The following LRRC3B variants were observed in gnomAD, a reference collection of about 807,000 sequenced individuals.
LRRC3B encodes the protein leucine-rich repeat-containing protein 3B.
LRRC3B carries 2 observed loss-of-function variants against 12.8 expected under a neutral mutation model. That is an observed-to-expected ratio of 0.16 (90% CI 0.06 to 0.49). The LOEUF (loss-of-function observed/expected upper bound fraction) is 0.49. LRRC3B is among the 20% of genes least tolerant of loss of function. The pLI is 0.96. For synonymous variants in LRRC3B, 132 were observed against 122.0 expected (o/e 1.08, Z -0.54); for missense variants, 189 against 319.4 (o/e 0.59, Z 3.11).
At chr3:26,669,689 G>C (rs1699680273) in intron 1 of LRRC3B, among the ~76,000 whole-genome samples, 1 of 152,132 alleles carries the variant, frequency 6.6e-6, no homozygotes, top group Non-Finnish European at 1.5e-5. Flanking sequence ...TAAAGAAAAA[G>C]CTATTTTATA....
chr3:26,691,105 G>GTGTATATATATATATATATATATA (rs372629683), intron 1 of LRRC3B, among the ~76,000 whole-genome samples: 7 of 84,826 alleles, frequency 8.3e-5, no homozygotes, highest in East Asian at 5.6e-4. Context: ...GTGTGTGTGT[G>GTGTATATATATATATATATATATA]TATATATATA....
At chr3:26,635,432 G>A (rs1290274607) in intron 1 of LRRC3B, among the ~76,000 whole-genome samples, 1 of 152,188 alleles carries the variant, frequency 6.6e-6, no homozygotes, top group Non-Finnish European at 1.5e-5. Flanking sequence ...AGTCATGAAG[G>A]TGGGGTCCTC....
In LRRC3B at chr3:26,638,909, T is replaced by G. The variant is rs577740485; in HGVS notation, c.-161+15672T>G. Among the ~76,000 whole-genome samples, 4 of 152,270 alleles carry G rather than the reference T, an allele frequency of 2.6e-5. No homozygotes were observed. The East Asian group carries it at 7.7e-4, about 29-fold the overall frequency. On this transcript the variant is annotated intron_variant, in intron 1 of 1. Coordinates refer to ENST00000396641, the Ensembl canonical transcript of LRRC3B. ...GATTGGGACTTGAAAGTCCTAAGGATTTTTTTGGAAGGGGCTCATCAGCTA... is the reference window on the plus strand; with the variant it reads ...GATTGGGACTTGAAAGTCCTAAGGAGTTTTTTGGAAGGGGCTCATCAGCTA...
intron 1 of LRRC3B, among the ~76,000 whole-genome samples, chr3:26,701,572 G>T (rs181856624): frequency 2.0e-5 from 3 of 152,098 alleles, no homozygotes; most frequent in East Asian, 1.9e-4. Flanking sequence ...TCTAGTGACC[G>T]CATTTGACCT....
intron 1 of LRRC3B, among the ~76,000 whole-genome samples, chr3:26,651,876 C>T (rs1283821909): frequency 1.3e-5 from 2 of 152,168 alleles, no homozygotes; most frequent in African/African-American, 4.8e-5. Flanking sequence ...AGTTTACTAG[C>T]GTTAGACCCT....
chr3:26,666,658 T>C (rs1459872242), intron 1 of LRRC3B, among the ~76,000 whole-genome samples: 1 of 152,196 alleles, frequency 6.6e-6, no homozygotes, highest in Admixed American at 6.5e-5. Context: ...CACATATTAT[T>C]CTGGTACATT....
chr3:26,677,538 A>G (rs756636580), intron 1 of LRRC3B, among the ~76,000 whole-genome samples: 3 of 152,230 alleles, frequency 2.0e-5, no homozygotes, highest in Non-Finnish European at 4.4e-5. Flanking sequence ...TATGTGAGTC[A>G]AAGCAGATTG....
At chr3:26,686,077 T>TTTTCC (rs1157887843) in intron 1 of LRRC3B, among the ~76,000 whole-genome samples, 6 of 152,188 alleles carry the variant, frequency 3.9e-5, no homozygotes, top group Admixed American at 3.3e-4. Context: ...TGGTTATTTA[T>TTTTCC]TTTCCTTTCT....
intron 1 of LRRC3B, among the ~76,000 whole-genome samples, chr3:26,669,158 A>T (rs767673142): frequency 4.6e-5 from 7 of 152,234 alleles, no homozygotes; most frequent in Non-Finnish European, 7.3e-5. Flanking sequence ...CAGTCAGTGA[A>T]CATTAAGGAG....
At chr3:26,671,403 G>GAC in intron 1 of LRRC3B, among the ~76,000 whole-genome samples, 1 of 130,962 alleles carries the variant, frequency 7.6e-6, no homozygotes, top group Non-Finnish European at 1.6e-5. Flanking sequence ...GAGAGAGAGA[G>GAC]AGAGAGAGAG....
chr3:26,642,325 A>T (rs908316603), intron 1 of LRRC3B, among the ~76,000 whole-genome samples: 1 of 152,214 alleles, frequency 6.6e-6, no homozygotes, highest in Non-Finnish European at 1.5e-5. Flanking sequence ...TTTGAGAGCC[A>T]CTGGTGTGGT....
chr3:26,639,996 A>G (rs1336210378), intron 1 of LRRC3B, among the ~76,000 whole-genome samples: 2 of 152,144 alleles, frequency 1.3e-5, no homozygotes, highest in Non-Finnish European at 2.9e-5. Flanking sequence ...ACACCAAATC[A>G]GGATGGATAA....
chr3:26,694,027 G>A (rs1041601537), intron 1 of LRRC3B, among the ~76,000 whole-genome samples: 8 of 152,272 alleles, frequency 5.3e-5, no homozygotes, highest in Admixed American at 2.0e-4. Flanking sequence ...ATAGACATTA[G>A]TTGGTGGTGG....
chr3:26,690,898 A>C (rs995437744), intron 1 of LRRC3B, among the ~76,000 whole-genome samples: 35 of 151,758 alleles, frequency 2.3e-4, no homozygotes, highest in Admixed American at 1.8e-3. Context: ...TTAGAATTAC[A>C]TTGCCATTGA....
At chr3:26,699,155 G>A (rs866194915) in intron 1 of LRRC3B, among the ~76,000 whole-genome samples, 6 of 151,866 alleles carry the variant, frequency 4.0e-5, no homozygotes, top group Non-Finnish European at 5.9e-5. Flanking sequence ...GATTAGATTC[G>A]GGTTAAATAT....
chr3:26,628,767 T>C (rs1352976463), intron 1 of LRRC3B, among the ~76,000 whole-genome samples: 1 of 150,968 alleles, frequency 6.6e-6, no homozygotes, highest in Non-Finnish European at 1.5e-5. Context: ...GGCTTGAACA[T>C]ACTATTTCTC....
At chr3:26,675,920 G>A (rs1467531865) in intron 1 of LRRC3B, among the ~76,000 whole-genome samples, 1 of 150,616 alleles carries the variant, frequency 6.6e-6, no homozygotes, top group Non-Finnish European at 1.5e-5. Context: ...GTGGGAATCT[G>A]ACATCATCCT....
intron 1 of LRRC3B, among the ~76,000 whole-genome samples, chr3:26,651,392 C>T (rs1446077737): frequency 2.6e-5 from 4 of 152,116 alleles, no homozygotes; most frequent in African/African-American, 9.7e-5. Flanking sequence ...TTTTTCTTCC[C>T]ATGCTTGTCA....
chr3:26,706,946 A>ATATT (rs1559375169), intron 1 of LRRC3B, among the ~76,000 whole-genome samples: 2 of 152,300 alleles, frequency 1.3e-5, no homozygotes, highest in East Asian at 1.9e-4. Context: ...TTCATATAAC[A>ATATT]TATTTATTTA....
Sources: allele counts gnomAD v4.1 joint callset (sites outside exome capture counted in the v4.1 genomes callset), GRCh38; gene constraint gnomAD v4.1.1; transcripts MANE v1.5; gene names NCBI Gene and HGNC (gene_info 2026-07-23, HGNC 2026-07-21).